ALG13: variants seen among roughly 807,000 people sequenced by gnomAD.
ALG13 encodes ALG13 UDP-N-acetylglucosaminyltransferase subunit, also known as UDP-N-acetylglucosamine transferase subunit ALG13.
ALG13 carries 11 observed loss-of-function variants against 87.8 expected under a neutral mutation model. That is an observed-to-expected ratio of 0.13 (90% CI 0.08 to 0.21). The LOEUF is 0.21. Among genes scored for constraint, ALG13 ranks in the 10% least tolerant of loss-of-function variants. The pLI, the probability that ALG13 is intolerant of heterozygous loss-of-function variation, is 1.00. For synonymous variants in ALG13, 320 were observed against 306.3 expected, an observed-to-expected ratio of 1.04 and a Z score of -0.47; for missense variants, 756 against 866.1, an observed-to-expected ratio of 0.87 and a Z score of 1.60.
chrX:111,683,497 A>AT (rs1401957767), intron 2 of ALG13, among the ~76,000 whole-genome samples: 6 of 103,379 alleles, frequency 5.8e-5, no homozygotes, highest in Admixed American at 1.0e-4. Flanking sequence ...GCCCCGGCTA[A>AT]TTTTTTTTTT....
intron 3 of ALG13, among the ~76,000 whole-genome samples, chrX:111,691,302 T>C (rs767734114): frequency 1.8e-5 from 2 of 110,682 alleles, no homozygotes; most frequent in South Asian, 3.9e-4. Flanking sequence ...GGTTTCACCA[T>C]GTTGGCCAGG....
intron 21 of ALG13, 146 bp from the exon 22 acceptor site, chrX:111,734,902 GTGA>G: frequency 2.3e-6 from 1 of 429,470 alleles, no homozygotes. Context: ...ACATTTTAGA[GTGA>G]TAACTTTTAG....
chrX:111,736,997 A>T, intron 23 of ALG13, 118 bp downstream of exon 23: 1 of 628,495 alleles, frequency 1.6e-6, no homozygotes, highest in Non-Finnish European at 2.3e-6. Context: ...AATTTATTTA[A>T]CCTACTTAAT....
At position 111,726,930 on chromosome X, in the gene ALG13, C is replaced by T. The variant is rs1454391584; in HGVS notation, c.1851C>T (p.His617=). 6 of 1,209,709 alleles carry T rather than the reference C, an allele frequency of 5.0e-6. No homozygotes were observed. The highest frequency in any genetic ancestry group is 3.5e-5 in the South Asian group (2 of 56,779). Residue 617 remains histidine, a synonymous_variant, in exon 16 of 27, where the codon CAC becomes CAT. Transcript: ENST00000394780. ...GDPLLPPRLQ[H]SMHYGHDPPM... is the part of the protein sequence containing the mutation. ...CCCTCCTCCCACCCAGGCTGCAGCA[C>T]AGTATGCATTATGGGCACGATCCTC...
chrX:111,745,930 T>C (rs1338453278), intron 24 of ALG13, among the ~76,000 whole-genome samples: 1 of 111,522 alleles, frequency 9.0e-6, no homozygotes, highest in Non-Finnish European at 1.9e-5. Flanking sequence ...GATTTTGTAT[T>C]TTTCCAATAT....
At chrX:111,700,318 C>A (rs1937609941) in intron 3 of ALG13, among the ~76,000 whole-genome samples, 1 of 110,699 alleles carries the variant, frequency 9.0e-6, no homozygotes, top group Non-Finnish European at 1.9e-5. Context: ...ATGTTATCAG[C>A]AAATAAAGAT....
chrX:111,715,151 A>G (rs775302211), intron 8 of ALG13, among the ~76,000 whole-genome samples: 1 of 111,854 alleles, frequency 8.9e-6, no homozygotes, highest in South Asian at 3.8e-4. Context: ...AACGTTACCC[A>G]TTGGGAACCA....
intron 23 of ALG13, among the ~76,000 whole-genome samples, chrX:111,743,535 C>T (rs1227630339): frequency 8.9e-6 from 1 of 111,775 alleles, no homozygotes; most frequent in East Asian, 2.8e-4. Context: ...TGCATCACTC[C>T]TAAACAGTTG....
chrX:111,706,923 C>CAAAAAAAAA (rs776803537), intron 3 of ALG13, among the ~76,000 whole-genome samples: 1 of 35,726 alleles, frequency 2.8e-5, no homozygotes, highest in Non-Finnish European at 5.4e-5. Context: ...TCCACAGATA[C>CAAAAAAAAA]AAAAAAAAAA....
At chrX:111,756,048 ATG>A (rs1945220389) in intron 25 of ALG13, among the ~76,000 whole-genome samples, 2 of 112,537 alleles carry the variant, frequency 1.8e-5, no homozygotes. Flanking sequence ...CATAAAGAAA[ATG>A]TGGCACATAC....
intron 5 of ALG13, among the ~76,000 whole-genome samples, chrX:111,709,935 C>T (rs759239049): frequency 3.6e-5 from 4 of 111,312 alleles, no homozygotes; most frequent in South Asian, 3.7e-4. Context: ...TAAAGCAGTG[C>T]GTCTCAAGTA....
chrX:111,712,383 A>G, intron 6 of ALG13, 101 bp from the exon 7 acceptor site: 1 of 453,900 alleles, frequency 2.2e-6, no homozygotes, highest in Non-Finnish European at 3.8e-6. Flanking sequence ...CAAATTCTTC[A>G]TCTAAAACAG....
At chrX:111,681,629 C>G in intron 1 of ALG13, 1 of 924,908 alleles carries the variant, frequency 1.1e-6, no homozygotes, top group Non-Finnish European at 1.3e-6. Flanking sequence ...TCCGCCCCTC[C>G]GAGCTCGGGT....
chrX:111,727,441 T>C lies in ALG13; in HGVS notation c.2086T>C (p.Ser696Pro). Residue 696 changes from serine (S) to proline (P), a missense_variant, in exon 17 of 27, where the codon TCT becomes CCT. This residue lies in a region of ALG13 where 362 missense variants were observed against 383.5 expected (regional missense o/e 0.94). Coordinates refer to ENST00000394780, the MANE Select transcript of ALG13 (RefSeq NM_001099922.3). ...CQSYDNFSYRSRSFRRSHRQM... is the reference protein window; with the variant it reads ...CQSYDNFSYRPRSFRRSHRQM... Reference sequence around the variant, plus strand: ...GAGCTATGATAACTTCTCTTATAGATCTCGGTAAGTATTGTGTTGAAAGTC... The same window carrying C: ...GAGCTATGATAACTTCTCTTATAGACCTCGGTAAGTATTGTGTTGAAAGTC... 1 of 1,191,397 alleles carries C rather than the reference T, an allele frequency of 8.4e-7. No individual in the cohort carries two copies.
intron 3 of ALG13, among the ~76,000 whole-genome samples, chrX:111,705,088 A>T (rs1938503367): frequency 9.0e-6 from 1 of 111,703 alleles, no homozygotes; most frequent in Admixed American, 9.5e-5. Context: ...TTTTGAAATC[A>T]TACAGTTTTT....
At chrX:111,739,121 A>G (rs1465755221) in intron 23 of ALG13, among the ~76,000 whole-genome samples, 3 of 112,240 alleles carry the variant, frequency 2.7e-5, no homozygotes, top group African/African-American at 9.7e-5. Context: ...ACAGTTCTGC[A>G]TGGCTGAGGA....
At chrX:111,722,615 A>G (rs1014297781) in intron 12 of ALG13, among the ~76,000 whole-genome samples, 178 bp from the exon 13 acceptor site, 5 of 112,322 alleles carry the variant, frequency 4.5e-5, no homozygotes, top group Admixed American at 3.8e-4. Context: ...GTCTTTTTAA[A>G]TTGACTGCAG....
At position 111,730,563 on chromosome X, in the gene ALG13, G is replaced by A. The variant is rs1426287980; in HGVS notation, c.2440G>A (p.Ala814Thr). ...YETSGVYSTT[A>T]STANLSLQDR... is the part of the protein sequence containing the mutation. ...AACTTCAGGTGTTTATAGCACAACTGCATCTACAGCAAACTTGGTAGGTAT... is the reference window on the plus strand; with the variant it reads ...AACTTCAGGTGTTTATAGCACAACTACATCTACAGCAAACTTGGTAGGTAT... Residue 814 changes from alanine to threonine, a missense_variant, in exon 21 of 27, where the codon GCA (alanine) becomes ACA (threonine). Transcript: ENST00000394780. 5.1e-6 allele frequency: 6 copies of A among 1,183,246 alleles called. No homozygotes were observed. In the Admixed American group the frequency reaches 1.4e-4, roughly 28 times the overall value.
In ALG13 at chrX:111,752,776, A is replaced by G. The variant is rs755886617; in HGVS notation, c.2933-14A>G. 2.9e-5 allele frequency: 33 copies of G among 1,147,236 alleles called. No individual in the cohort carries two copies. The African/African-American group carries it at 5.8e-4, about 20-fold the overall frequency. The allele number at this position is 1,147,236 out of a possible 1,213,427, so 94.5% of individuals were successfully genotyped here. On this transcript the variant is annotated splice_polypyrimidine_tract_variant and intron_variant, in intron 24 of 26. Coordinates refer to ENST00000394780, the MANE Select transcript of ALG13 (RefSeq NM_001099922.3). ...GTCAGTCAAGTCACTAATTTTTTTG[A>G]TTTTTAATTTTAGATACAAAAGTTT...
Sources: gnomAD v4.1 joint callset for allele counts (sites outside exome capture counted in the v4.1 genomes callset) on GRCh38, gnomAD v4.1.1 for gene constraint, gnomAD v4.1.1 regional missense constraint, MANE v1.5 for transcripts, NCBI Gene and HGNC (gene_info 2026-07-23, HGNC 2026-07-21) for gene names.